Variants in SHLD3 observed in about 807,000 individuals in gnomAD.
SHLD3 encodes REV7-interacting novel NHEJ regulator 1.
A neutral mutation model predicts 21.4 loss-of-function variants in SHLD3; 15 were observed. The ratio of observed to expected loss-of-function variants is 0.70; its 90% CI spans 0.47 to 1.08. The LOEUF (loss-of-function observed/expected upper bound fraction) is 1.08, where lower values mean the gene tolerates loss of function less well. SHLD3 is among the 50% of genes least tolerant of loss of function. The pLI, the probability that SHLD3 is intolerant of heterozygous loss-of-function variation, is 0.00. For synonymous variants in SHLD3, 103 were observed against 97.2 expected (o/e 1.06, Z -0.35); for missense variants, 273 against 286.1 (o/e 0.95, Z 0.33).
At chr5:65,625,199 C>T in intron 1 of SHLD3, 93 bp downstream of exon 1, 1 of 1,066,628 alleles carries the variant, frequency 9.4e-7, no homozygotes, top group Non-Finnish European at 1.5e-6. Flanking sequence ...CCTTCTTAAA[C>T]ACTCAGTGCT....
In SHLD3 at chr5:65,627,794, T is replaced by G. The variant is rs185843019; in HGVS notation, c.-120-1674T>G. On this transcript the variant is annotated intron_variant, in intron 1 of 1. Coordinates refer to ENST00000510585, the MANE Select transcript of SHLD3 (RefSeq NM_001365341.2). ...TATATGATAACATTTAGATCCATAT[T>G]TAAAATATGGATGTTAAAGATCACA... Among the ~76,000 whole-genome samples, 362 of 152,336 alleles carry G rather than the reference T, an allele frequency of 2.4e-3. 2 individuals carry two copies. Among genetic ancestry groups the G allele is most frequent in the African/African-American group, 8.4e-3 (348 of 41,576 alleles).
Position 65,629,601 on chromosome 5 carries a change from T to A in SHLD3, c.14T>A (p.Val5Glu). MTTEVILHYRPCESD... is the reference protein window; with the variant it reads MTTEEILHYRPCESD... ...GATTACTGCAGAATGACTACAGAAG[T>A]AATATTACATTATCGACCATGTGAG... The change falls in exon 2 of 2, where the codon GTA (valine) becomes GAA (glutamate). Residue 5 changes from valine (V) to glutamate (E), a missense_variant. Physicochemically the swap from Val to Glu is moderately radical, Grantham distance 121. Coordinates refer to ENST00000510585, the MANE Select transcript of SHLD3 (RefSeq NM_001365341.2). 1 of 1,531,926 alleles carries A rather than the reference T, an allele frequency of 6.5e-7. No individual in the cohort carries two copies. The highest frequency in any genetic ancestry group is 1.2e-5 in the South Asian group (1 of 83,562). 94.9% of individuals were successfully genotyped at this position (1,531,926 alleles called of 1,614,324 possible).
intron 1 of SHLD3, among the ~76,000 whole-genome samples, chr5:65,628,849 A>G (rs932169503): frequency 6.6e-6 from 1 of 151,388 alleles, no homozygotes; most frequent in African/African-American, 2.4e-5. Flanking sequence ...AATGAGATGA[A>G]GTCTTGCTCT....
chr5:65,629,728 CA>C lies in SHLD3; in HGVS notation c.143del (p.Lys48SerfsTer12). The C allele has an allele frequency of 1.3e-6, 2 of 1,536,068 alleles. No individual in the cohort carries two copies. Among genetic ancestry groups the C allele is most frequent in the Non-Finnish European group, 1.7e-6 (2 of 1,146,902 alleles). On this transcript the variant is annotated frameshift_variant, in exon 2 of 2. Coordinates refer to ENST00000510585, the MANE Select transcript of SHLD3 (RefSeq NM_001365341.2). LOFTEE classifies it high-confidence loss of function. ...FIPWFPYDGS[K>X]LPLRPKRSPP... Reference sequence around the variant, plus strand: ...TACCTTGGTTTCCATATGATGGGTCCAAGCTTCCACTCAGACCTAAAAGATC... The same window carrying C: ...TACCTTGGTTTCCATATGATGGGTCCAGCTTCCACTCAGACCTAAAAGATC...
intron 1 of SHLD3, among the ~76,000 whole-genome samples, chr5:65,628,734 G>T (rs970445563): frequency 4.6e-5 from 7 of 151,798 alleles, no homozygotes; most frequent in African/African-American, 9.7e-5. Context: ...CCCCCATAAA[G>T]TTCTGGGATT....
chr5:65,625,070 A>C lies in SHLD3; in HGVS notation c.-157A>C, dbSNP rs1344270461. The C allele has an allele frequency of 6.2e-7, 1 of 1,613,636 alleles. No individual in the cohort carries two copies. Among genetic ancestry groups the C allele is most frequent in the African/African-American group, 1.3e-5 (1 of 74,890 alleles). On this transcript the variant is annotated 5_prime_UTR_variant, in exon 1 of 2. Transcript: ENST00000510585. ...AAAAGTGCCGGTCAAAATGGAAGTG[A>C]ATCCCCCTAAACAGGAGCACCTGCT...
Position 65,630,137 on chromosome 5 carries a change from A to G in SHLD3, c.550A>G (p.Ile184Val). ...TTGTAACAGCCAAACTCTGGAAGAC[A>G]TTTGGACAAAACTCAATCAAATTAT... ...TICNSQTLEDIWTKLNQIIRH... is the reference protein window; with the variant it reads ...TICNSQTLEDVWTKLNQIIRH... The change falls in exon 2 of 2, where the codon ATT (isoleucine) becomes GTT (valine). Residue 184 changes from isoleucine (I) to valine (V), a missense_variant. Coordinates refer to ENST00000510585, the MANE Select transcript of SHLD3 (RefSeq NM_001365341.2). 2 of 1,536,068 alleles carry G rather than the reference A, an allele frequency of 1.3e-6. No individual in the cohort carries two copies. The highest frequency in any genetic ancestry group is 1.7e-6 in the Non-Finnish European group (2 of 1,146,866).
intron 1 of SHLD3, among the ~76,000 whole-genome samples, chr5:65,628,520 G>C (rs900714251): frequency 2.6e-5 from 4 of 151,328 alleles, no homozygotes; most frequent in African/African-American, 4.9e-5. Context: ...AGTGCAATGG[G>C]AGTACGATGG....
At position 65,630,121 on chromosome 5, in the gene SHLD3, C is replaced by G; in HGVS notation, c.534C>G (p.Ser178Arg). Reference protein sequence around the residue: ...RWTIEHTICNSQTLEDIWTKL... With the variant: ...RWTIEHTICNRQTLEDIWTKL... ...CAATAGAACACACTATTTGTAACAG[C>G]CAAACTCTGGAAGACATTTGGACAA... The change falls in exon 2 of 2, where the codon AGC becomes AGG. Residue 178 changes from serine (S) to arginine (R), a missense_variant. Ser to Arg is a moderately radical substitution (Grantham distance 110). Transcript: ENST00000510585. 1 of 1,536,014 alleles carries G rather than the reference C, an allele frequency of 6.5e-7. No homozygotes were observed. The highest frequency in any genetic ancestry group is 8.7e-7 in the Non-Finnish European group (1 of 1,146,862).
Position 65,625,114 on chromosome 5 carries a change from T to C in SHLD3, c.-121+8T>C. 1.2e-6 allele frequency: 2 copies of C among 1,611,900 alleles called. No homozygotes were observed. Among genetic ancestry groups the C allele is most frequent in the South Asian group, 1.1e-5 (1 of 91,050 alleles). ...ACCTGCTGGCGCTAAAAGGTAAACT[T>C]TTGCGAACCTGATTCCCCCTTTTCT... On this transcript the variant is annotated splice_region_variant and intron_variant, in intron 1 of 1. Transcript: ENST00000510585.
Position 65,625,037 on chromosome 5 carries a change from T to C in SHLD3, c.-190T>C. The C allele has an allele frequency of 1.2e-6, 2 of 1,609,948 alleles. No homozygotes were observed. The highest frequency in any genetic ancestry group is 1.7e-5 in the Admixed American group (1 of 60,006). On this transcript the variant is annotated 5_prime_UTR_variant, in exon 1 of 2. Transcript: ENST00000510585. ...TTGAACCTGTCCAGCCCCCGTAGGC[T>C]GTGGGTCAAAAGTGCCGGTCAAAAT...
At chr5:65,628,845 A>T (rs1161107821) in intron 1 of SHLD3, among the ~76,000 whole-genome samples, 6 of 149,904 alleles carry the variant, frequency 4.0e-5, no homozygotes, top group African/African-American at 1.5e-4. Flanking sequence ...TTTTAATGAG[A>T]TGAAGTCTTG....
Position 65,629,599 on chromosome 5 carries a change from A to C in SHLD3, c.12A>C (p.Glu4Asp), listed in dbSNP as rs915927831. The C allele has an allele frequency of 6.5e-7, 1 of 1,531,390 alleles. No individual in the cohort carries two copies. Among genetic ancestry groups the C allele is most frequent in the African/African-American group, 1.4e-5 (1 of 72,864 alleles). The allele number at this position is 1,531,390 out of a possible 1,614,324, so 94.9% of individuals were successfully genotyped here. The change falls in exon 2 of 2, where the codon GAA (glutamate) becomes GAC (aspartate). Residue 4 changes from glutamate to aspartate, a missense_variant. Coordinates refer to ENST00000510585, the MANE Select transcript of SHLD3 (RefSeq NM_001365341.2). ...TGGATTACTGCAGAATGACTACAGAAGTAATATTACATTATCGACCATGTG... is the reference window on the plus strand; with the variant it reads ...TGGATTACTGCAGAATGACTACAGACGTAATATTACATTATCGACCATGTG... Reference protein sequence around the residue: MTTEVILHYRPCES... With the variant: MTTDVILHYRPCES...
At position 65,629,946 on chromosome 5, in the gene SHLD3, A is replaced by C; in HGVS notation, c.359A>C (p.Gln120Pro). ...ACTAATTCTGGAAATCTGGGTAAAC[A>C]ATCAGAAAAGGGAAAACAGCACAAG... ...EQTNSGNLGKQSEKGKQHKRR... is the reference protein window; with the variant it reads ...EQTNSGNLGKPSEKGKQHKRR... The change falls in exon 2 of 2, where the codon CAA (glutamine) becomes CCA (proline). Residue 120 changes from glutamine (Q) to proline (P), a missense_variant. Coordinates refer to ENST00000510585, the MANE Select transcript of SHLD3 (RefSeq NM_001365341.2). The C allele has an allele frequency of 1.3e-6, 2 of 1,536,110 alleles. No individual in the cohort carries two copies. The highest frequency in any genetic ancestry group is 4.9e-5 in the East Asian group (2 of 40,904).
chr5:65,630,326 A>G lies in SHLD3; in HGVS notation c.739A>G (p.Ile247Val). The G allele has an allele frequency of 6.6e-7, 1 of 1,514,852 alleles. No homozygotes were observed. Among genetic ancestry groups the G allele is most frequent in the Non-Finnish European group, 8.8e-7 (1 of 1,134,154 alleles). The allele number at this position is 1,514,852 out of a possible 1,614,324, so 93.8% of individuals were successfully genotyped here. Residue 247 changes from isoleucine (I) to valine (V), a missense_variant, in exon 2 of 2, where the codon ATT (isoleucine) becomes GTT (valine). By Grantham distance (29) the Ile-to-Val change is conservative. Coordinates refer to ENST00000510585, the MANE Select transcript of SHLD3 (RefSeq NM_001365341.2). Reference protein sequence around the residue: ...INLFVHKYGVIFSM With the variant: ...INLFVHKYGVVFSM ...TTTATTTGTGCATAAATATGGTGTT[A>G]TTTTTAGTATGTAATGAATTCCACT...
rs184449801 is a variant in SHLD3 at position 65,630,638 on chromosome 5, A to G, written c.*298A>G. ...GGATTTTGGTTAATCTCTAAAATCTAATTTTACTGTATTTTTTTCCTTACC... is the reference window on the plus strand; with the variant it reads ...GGATTTTGGTTAATCTCTAAAATCTGATTTTACTGTATTTTTTTCCTTACC... On this transcript the variant is annotated 3_prime_UTR_variant, in exon 2 of 2. Transcript: ENST00000510585. 3.0e-4 allele frequency: 311 copies of G among 1,031,648 alleles called. 3 individuals carry two copies. In the African/African-American group the frequency reaches 4.8e-3, roughly 16 times the overall value. The allele number at this position is 1,031,648 out of a possible 1,614,324, so 63.9% of individuals were successfully genotyped here.
At chr5:65,625,133 C>T (rs1376488161) in intron 1 of SHLD3, 27 bp downstream of exon 1, 4 of 1,601,424 alleles carry the variant, frequency 2.5e-6, no homozygotes, top group South Asian at 1.1e-5. Context: ...CTGATTCCCC[C>T]TTTTCTGTTT....
chr5:65,625,205 G>T (rs1755153183), intron 1 of SHLD3, 99 bp downstream of exon 1: 1 of 1,017,636 alleles, frequency 9.8e-7, no homozygotes, highest in African/African-American at 1.6e-5. Flanking sequence ...TAAACACTCA[G>T]TGCTCGCCCT....
At chr5:65,625,174 C>A in intron 1 of SHLD3, 68 bp downstream of exon 1, 1 of 1,296,846 alleles carries the variant, frequency 7.7e-7, no homozygotes, top group African/African-American at 1.5e-5. Flanking sequence ...GAAGCCTTTG[C>A]CATGTAGGCC....
Sources: allele counts gnomAD v4.1 joint callset (sites outside exome capture counted in the v4.1 genomes callset), GRCh38; gene constraint gnomAD v4.1.1; transcripts MANE v1.5; gene names NCBI Gene and HGNC (gene_info 2026-07-23, HGNC 2026-07-21).